The following ARID1B variants were observed in gnomAD, a reference collection of about 807,000 sequenced individuals.
ARID1B encodes the protein AT-rich interactive domain-containing protein 1B.
A neutral mutation model predicts 212.3 loss-of-function variants in ARID1B; 30 were observed. The ratio of observed to expected loss-of-function variants is 0.14; its 90% CI spans 0.11 to 0.19. The LOEUF is 0.19. Among genes scored for constraint, ARID1B ranks in the 10% least tolerant of loss-of-function variants. The pLI is 1.00. For synonymous variants in ARID1B, 1,402 were observed against 1,301.7 expected (o/e 1.08, Z -1.66); for missense variants, 2,891 against 3,204.0 (o/e 0.90, Z 2.36).
At chr6:157,136,293 C>G (rs1375520747) in intron 7 of ARID1B, among the ~76,000 whole-genome samples, 6 of 152,134 alleles carry the variant, frequency 3.9e-5, no homozygotes, top group African/African-American at 1.4e-4. Context: ...GAGGCTGTCT[C>G]TATTTTGTAA....
At chr6:157,166,218 A>G (rs917307498) in intron 8 of ARID1B, 1 of 152,204 alleles carries the variant, frequency 6.6e-6, no homozygotes, top group African/African-American at 2.4e-5. Context: ...ACAGTCAGAG[A>G]ATTGACATTG....
intron 4 of ARID1B, among the ~76,000 whole-genome samples, chr6:157,042,769 C>T (rs2128531187): frequency 6.6e-6 from 1 of 151,868 alleles, no homozygotes; most frequent in Non-Finnish European, 1.5e-5. Flanking sequence ...AGTGATTCTC[C>T]TGCCTCAGCC....
intron 4 of ARID1B, among the ~76,000 whole-genome samples, chr6:157,021,124 G>A (rs1447685969): frequency 6.6e-6 from 1 of 152,132 alleles, no homozygotes; most frequent in Non-Finnish European, 1.5e-5. Context: ...GAGAGAGGGG[G>A]ATTTTAGAGA....
In ARID1B at chr6:157,196,124, A is replaced by G. The variant is rs767927986; in HGVS notation, c.4232-41A>G. 4.4e-6 allele frequency: 7 copies of G among 1,599,876 alleles called. No homozygotes were observed. In the South Asian group the frequency reaches 6.8e-5, roughly 16 times the overall value. Reference sequence around the variant, plus strand: ...AGGGATGGATGGGCCTTTGACTTTCAGAAATGCCTAAATGTATGCATTTTA... The same window carrying G: ...AGGGATGGATGGGCCTTTGACTTTCGGAAATGCCTAAATGTATGCATTTTA... On this transcript the variant is annotated intron_variant, in intron 15 of 19. Coordinates refer to ENST00000636930, the MANE Select transcript of ARID1B (RefSeq NM_001374828.1).
chr6:156,948,370 G>A (rs553523801), intron 4 of ARID1B, among the ~76,000 whole-genome samples: 3 of 152,006 alleles, frequency 2.0e-5, no homozygotes, highest in Non-Finnish European at 4.4e-5. Flanking sequence ...GTGCCACCAC[G>A]CCTGGCTAAT....
chr6:157,024,388 T>C (rs920345416), intron 4 of ARID1B: 3 of 152,242 alleles, frequency 2.0e-5, no homozygotes, highest in African/African-American at 7.2e-5. Context: ...ATGAACAAAA[T>C]TGAGTGAACA....
intron 1 of ARID1B, among the ~76,000 whole-genome samples, chr6:156,815,811 A>G (rs1328172461): frequency 2.0e-5 from 3 of 152,288 alleles, no homozygotes; most frequent in South Asian, 2.1e-4. Context: ...TATATTAGTG[A>G]CACTTTGCTT....
At chr6:157,053,779 A>G (rs1034953121) in intron 4 of ARID1B, among the ~76,000 whole-genome samples, 1 of 152,194 alleles carries the variant, frequency 6.6e-6, no homozygotes, top group African/African-American at 2.4e-5. Flanking sequence ...TTTTTCTTCT[A>G]TGAAAGTGGA....
intron 3 of ARID1B, among the ~76,000 whole-genome samples, chr6:156,912,485 T>G (rs996388738): frequency 2.0e-5 from 3 of 152,146 alleles, no homozygotes; most frequent in Non-Finnish European, 4.4e-5. Flanking sequence ...GGGAAGACCC[T>G]GCTATTTATT....
chr6:156,894,761 T>G (rs577696474), intron 2 of ARID1B, among the ~76,000 whole-genome samples: 74 of 152,368 alleles, frequency 4.9e-4, no homozygotes, highest in African/African-American at 1.7e-3. Flanking sequence ...GTATCATAAC[T>G]TCAAAGCTCA....
rs993385235 is a variant in ARID1B, at chr6:157,201,724, T to G, written c.5263+236T>G. Among the ~76,000 whole-genome samples the G allele has an allele frequency of 2.0e-5, 3 of 152,140 alleles. No homozygotes were observed. In the East Asian group the frequency reaches 5.8e-4, roughly 29 times the overall value. On this transcript the variant is annotated intron_variant, in intron 18 of 19. Transcript: ENST00000636930. This position sits in a 1 kb window ranked among gnomAD's most constrained non-coding sequence, Gnocchi z 5.2. ...GCTCATGCCTGTAATACCAGCACTTTGGGAGGCCCAGGCGGGTGGATCACG... is the reference window on the plus strand; with the variant it reads ...GCTCATGCCTGTAATACCAGCACTTGGGGAGGCCCAGGCGGGTGGATCACG...
At chr6:156,983,233 A>G (rs1777721865) in intron 4 of ARID1B, among the ~76,000 whole-genome samples, 1 of 152,012 alleles carries the variant, frequency 6.6e-6, no homozygotes, top group African/African-American at 2.4e-5. Flanking sequence ...CATCTCTACT[A>G]AAAACACAAA....
At chr6:156,906,527 A>G (rs1046220379) in intron 3 of ARID1B, among the ~76,000 whole-genome samples, 1 of 142,314 alleles carries the variant, frequency 7.0e-6, no homozygotes, top group Non-Finnish European at 1.5e-5. Flanking sequence ...CCTGGGCAAC[A>G]AGAGCGAAAC....
chr6:157,021,324 T>C (rs1234598940), intron 4 of ARID1B, among the ~76,000 whole-genome samples: 2 of 152,188 alleles, frequency 1.3e-5, no homozygotes, highest in Non-Finnish European at 2.9e-5. Flanking sequence ...GAACCAGTGA[T>C]TCCACGGACC....
In ARID1B at chr6:156,803,647, T is replaced by A. The variant is rs78669536; in HGVS notation, c.1791+24176T>A. Among the ~76,000 whole-genome samples the A allele has an allele frequency of 1.8e-4, 28 of 151,456 alleles. No individual in the cohort carries two copies. In the East Asian group the frequency reaches 2.9e-3, roughly 16 times the overall value. On this transcript the variant is annotated intron_variant, in intron 1 of 19. Coordinates refer to ENST00000636930, the MANE Select transcript of ARID1B (RefSeq NM_001374828.1). ...TATCTTTTTCTCTTTTTTTTTTTTT[T>A]AAATTCCTTTTTTGATCTAGTTCTT...
chr6:156,894,313 T>TGGG (rs1788215908), intron 2 of ARID1B, among the ~76,000 whole-genome samples: 1 of 95,534 alleles, frequency 1.0e-5, no homozygotes, highest in South Asian at 3.2e-4. Flanking sequence ...GGCCGGGGGT[T>TGGG]GGGATGGGGA....
At chr6:157,165,424 C>T (rs1471976895) in intron 8 of ARID1B, among the ~76,000 whole-genome samples, 2 of 152,100 alleles carry the variant, frequency 1.3e-5, no homozygotes, top group African/African-American at 2.4e-5. Flanking sequence ...TCTAGTTTGT[C>T]TAATATTTAA....
At chr6:157,142,254 C>G (rs145033229) in intron 7 of ARID1B, among the ~76,000 whole-genome samples, 5 of 152,282 alleles carry the variant, frequency 3.3e-5, no homozygotes, top group Non-Finnish European at 5.9e-5. Flanking sequence ...TCCCTCCTTT[C>G]ATTTCTTGTG....
chr6:157,085,945 A>G (rs1049445981), intron 5 of ARID1B, among the ~76,000 whole-genome samples: 23 of 152,210 alleles, frequency 1.5e-4, no homozygotes, highest in African/African-American at 5.1e-4. Flanking sequence ...TTTTTAAAAT[A>G]TTGTTCTTTT....
Sources: allele counts gnomAD v4.1 joint callset (sites outside exome capture counted in the v4.1 genomes callset), GRCh38; gene constraint gnomAD v4.1.1; non-coding constraint Gnocchi (gnomAD v3.1); transcripts MANE v1.5; gene names NCBI Gene and HGNC (gene_info 2026-07-23, HGNC 2026-07-21).